The following ZNF638 variants were observed in gnomAD, a reference collection of about 807,000 sequenced individuals.
The protein encoded by ZNF638 is zinc finger protein 638, also known as CTCL tumor antigen se33-1.
A neutral mutation model predicts 195.6 loss-of-function variants in ZNF638; 46 were observed. That is an observed-to-expected ratio of 0.24 (90% CI 0.19 to 0.30). The LOEUF (loss-of-function observed/expected upper bound fraction) is 0.30. ZNF638 is among the 10% of genes least tolerant of loss of function. The pLI is 1.00. For synonymous variants in ZNF638, 845 were observed against 772.0 expected, an observed-to-expected ratio of 1.09 and a Z score of -1.57; for missense variants, 2,440 against 2,325.3, an observed-to-expected ratio of 1.05 and a Z score of -1.01.
chr2:71,387,617 G>A (rs2079669308), intron 10 of ZNF638, among the ~76,000 whole-genome samples: 1 of 151,252 alleles, frequency 6.6e-6, no homozygotes, highest in African/African-American at 2.4e-5. Flanking sequence ...GTTGTAATGA[G>A]CTGAGATCAT....
intron 7 of ZNF638, among the ~76,000 whole-genome samples, chr2:71,368,955 T>G (rs13389932): frequency 0.26 from 39,986 of 152,178 alleles, 6,920 homozygotes; most frequent in African/African-American, 0.49. Context: ...TTTGTATGGT[T>G]AAGTATTTTC....
Position 71,431,309 on chromosome 2 carries a change from T to C in ZNF638, c.5651-18T>C. On this transcript the variant is annotated intron_variant, in intron 25 of 27. Coordinates refer to ENST00000264447, the MANE Select transcript of ZNF638 (RefSeq NM_014497.5). ...GTAAATCTATTCTGAATAGCTTTTTTTCCTCGAAAAATTTTAGTTGATGAG... is the reference window on the plus strand; with the variant it reads ...GTAAATCTATTCTGAATAGCTTTTTCTCCTCGAAAAATTTTAGTTGATGAG... 1 of 1,602,294 alleles carries C rather than the reference T, an allele frequency of 6.2e-7. No homozygotes were observed. The highest frequency in any genetic ancestry group is 8.5e-7 in the Non-Finnish European group (1 of 1,171,572).
At chr2:71,363,236 T>G (rs1291991587) in intron 4 of ZNF638, 45 bp downstream of exon 4, 1 of 1,379,100 alleles carries the variant, frequency 7.3e-7, no homozygotes, top group African/African-American at 1.5e-5. Context: ...GATTGTCTTT[T>G]AAAAGTAAAC....
At position 71,349,323 on chromosome 2, in the gene ZNF638, G is replaced by A. The variant is rs955295011; in HGVS notation, c.369G>A (p.Gln123=). 6.2e-7 allele frequency: 1 copy of A among 1,614,126 alleles called. No individual in the cohort carries two copies. Among genetic ancestry groups the A allele is most frequent in the Non-Finnish European group, 8.5e-7 (1 of 1,180,012 alleles). Residue 123 remains glutamine (Q), a synonymous_variant, in exon 2 of 28, where the codon CAG becomes CAA. Transcript: ENST00000264447. ...CAGTGAAACAGAGTTCTGTAACACAGGTTACAGAGCAGAGTCCCAAAGTAC... is the reference window on the plus strand; with the variant it reads ...CAGTGAAACAGAGTTCTGTAACACAAGTTACAGAGCAGAGTCCCAAAGTAC... ...SVAVKQSSVT[Q]VTEQSPKVQS... is the part of the protein sequence containing the mutation.
intron 3 of ZNF638, among the ~76,000 whole-genome samples, chr2:71,362,392 T>C (rs2079125090): frequency 6.6e-6 from 1 of 152,210 alleles, no homozygotes; most frequent in African/African-American, 2.4e-5. Flanking sequence ...ACACTTATTC[T>C]GAAAACATTC....
Position 71,408,140 on chromosome 2 carries a change from A to G in ZNF638, c.3154A>G (p.Ser1052Gly), listed in dbSNP as rs1264249902. Residue 1052 changes from serine (S) to glycine (G), a missense_variant, in exon 20 of 28, where the codon AGT becomes GGT. Coordinates refer to ENST00000264447, the MANE Select transcript of ZNF638 (RefSeq NM_014497.5). ...TCCAAAGGCAATTCTTCAGTTAGAT[A>G]GTCCTGAATCTGCTCAGTCAATGTA... Reference protein sequence around the residue: ...NRNKAILQLDSPESAQSMYSF... With the variant: ...NRNKAILQLDGPESAQSMYSF... The G allele has an allele frequency of 1.2e-6, 2 of 1,610,790 alleles. No individual in the cohort carries two copies. The highest frequency in any genetic ancestry group is 1.7e-6 in the Non-Finnish European group (2 of 1,178,798).
chr2:71,399,786 A>T, intron 13 of ZNF638, 141 bp downstream of exon 13: 3 of 696,454 alleles, frequency 4.3e-6, no homozygotes, highest in Admixed American at 3.1e-5. Flanking sequence ...CATCACCCAG[A>T]TATTAAGCCT....
chr2:71,414,078 G>A (rs2080269513), intron 20 of ZNF638, among the ~76,000 whole-genome samples: 2 of 144,178 alleles, frequency 1.4e-5, no homozygotes, highest in Middle Eastern at 3.4e-3. Context: ...TGTACCTCTG[G>A]TAGAATTCGG....
chr2:71,431,284 GTAAATCTA>G, intron 25 of ZNF638, 35 bp from the exon 26 acceptor site: 1 of 1,531,340 alleles, frequency 6.5e-7, no homozygotes, highest in Non-Finnish European at 9.0e-7. Context: ...TACAAAGTCT[GTAAATCTA>G]TTCTGAATAG....
chr2:71,393,981 GT>G (rs2079841930), intron 10 of ZNF638, among the ~76,000 whole-genome samples: 1 of 152,160 alleles, frequency 6.6e-6, no homozygotes, highest in Non-Finnish European at 1.5e-5. Flanking sequence ...TAACATTCTT[GT>G]GCCAGTAGCC....
chr2:71,335,487 C>G (rs2078650215), intron 1 of ZNF638, among the ~76,000 whole-genome samples: 1 of 152,066 alleles, frequency 6.6e-6, no homozygotes, highest in Non-Finnish European at 1.5e-5. Context: ...AGCTAACTTG[C>G]CTATTGTCTC....
chr2:71,357,739 C>A lies in ZNF638; in HGVS notation c.1379+1959C>A, dbSNP rs1438235694. On this transcript the variant is annotated intron_variant, in intron 3 of 27. Coordinates refer to ENST00000264447, the MANE Select transcript of ZNF638 (RefSeq NM_014497.5). ...TTTCCATGCCTGCTACTTTAATGTT[C>A]TACTCTATTTTTTAACCATATCCAG... 2.0e-5 allele frequency among the ~76,000 whole-genome samples: 3 copies of A among 151,830 alleles called. No individual in the cohort carries two copies. The South Asian group carries it at 6.2e-4, about 32-fold the overall frequency.
At chr2:71,341,152 A>G (rs2670726) in intron 1 of ZNF638, among the ~76,000 whole-genome samples, 23,774 of 152,150 alleles carry the variant, frequency 0.16, 2,362 homozygotes, top group East Asian at 0.57. Flanking sequence ...TAATAGCGCT[A>G]TCTTTTCAAT....
Position 71,423,014 on chromosome 2 carries a change from T to G in ZNF638, c.3500T>G (p.Leu1167Arg), listed in dbSNP as rs763709853. ...DSDFAVETLELETQGEEVKEE... is the reference protein window; with the variant it reads ...DSDFAVETLERETQGEEVKEE... ...GACTTTGCTGTTGAAACTTTGGAGC[T>G]TGAAACTCAAGGAGAGGAGGTCAAA... Residue 1167 changes from leucine to arginine, a missense_variant, in exon 22 of 28, where the codon CTT becomes CGT. By Grantham distance (102) the Leu-to-Arg change is moderately radical. Transcript: ENST00000264447. 4 of 1,614,130 alleles carry G rather than the reference T, an allele frequency of 2.5e-6. No individual in the cohort carries two copies. The South Asian group carries it at 4.4e-5, about 18-fold the overall frequency.
At chr2:71,382,356 A>C (rs949523025) in intron 10 of ZNF638, among the ~76,000 whole-genome samples, 2 of 152,190 alleles carry the variant, frequency 1.3e-5, no homozygotes, top group African/African-American at 4.8e-5. Context: ...ACTTCCTTGC[A>C]ATATAAATGT....
intron 11 of ZNF638, 26 bp from the exon 12 acceptor site, chr2:71,398,674 GT>G (rs766069306): frequency 1.9e-6 from 3 of 1,605,522 alleles, no homozygotes; most frequent in Admixed American, 3.3e-5. Context: ...AAGTAAACCA[GT>G]TTTGACTGCA....
intron 20 of ZNF638, among the ~76,000 whole-genome samples, chr2:71,409,394 A>G (rs775795731): frequency 2.6e-5 from 4 of 152,124 alleles, no homozygotes; most frequent in Non-Finnish European, 5.9e-5. Flanking sequence ...TTCAATATCT[A>G]TAGTTAGCTT....
chr2:71,388,377 C>T, intron 10 of ZNF638: 1 of 621,674 alleles, frequency 1.6e-6, no homozygotes, highest in Non-Finnish European at 3.0e-6. Context: ...GATCATCCGA[C>T]CTTTGATCAT....
chr2:71,407,056 T>A (rs1343469947), intron 19 of ZNF638, among the ~76,000 whole-genome samples: 1 of 152,182 alleles, frequency 6.6e-6, no homozygotes, highest in Non-Finnish European at 1.5e-5. Context: ...CAAAAATTAT[T>A]CATTTATTTA....
Sources: gnomAD v4.1 joint callset for allele counts (sites outside exome capture counted in the v4.1 genomes callset) on GRCh38, gnomAD v4.1.1 for gene constraint, MANE v1.5 for transcripts, NCBI Gene and HGNC (gene_info 2026-07-23, HGNC 2026-07-21) for gene names.